The following FAM171B variants were observed in gnomAD, a reference collection of about 807,000 sequenced individuals.
FAM171B encodes the protein protein FAM171B.
A neutral mutation model predicts 75.6 loss-of-function variants in FAM171B; 19 were observed. That is an observed-to-expected ratio of 0.25 (90% CI 0.18 to 0.37). The LOEUF is 0.37. Among genes scored for constraint, FAM171B ranks in the 10% least tolerant of loss-of-function variants. The pLI is 1.00. For synonymous variants in FAM171B, 367 were observed against 361.7 expected (o/e 1.01, Z -0.17); for missense variants, 848 against 982.4 (o/e 0.86, Z 1.83).
intron 3 of FAM171B, among the ~76,000 whole-genome samples, chr2:186,744,318 G>A (rs775292784): frequency 6.6e-6 from 1 of 152,124 alleles, no homozygotes. Context: ...TCCAGTAAGA[G>A]CGTCATGGTA....
chr2:186,713,196 A>G (rs1689832198), intron 1 of FAM171B, among the ~76,000 whole-genome samples: 1 of 152,150 alleles, frequency 6.6e-6, no homozygotes, highest in Non-Finnish European at 1.5e-5. Context: ...GGGAGGCGGG[A>G]CTCAGGGATG....
intron 2 of FAM171B, 37 bp from the exon 3 acceptor site, chr2:186,743,437 TCCCCTCACA>T (rs1574109228): frequency 4.4e-6 from 6 of 1,353,642 alleles, no homozygotes; most frequent in Admixed American, 3.6e-5. Context: ...CTAGTTTTTT[TCCCCTCACA>T]TTAAGTAAAA....
In FAM171B at chr2:186,694,076, G is replaced by A. The variant is rs1689535206; in HGVS notation, c.-98G>A. 1 of 1,369,316 alleles carries A rather than the reference G, an allele frequency of 7.3e-7. No homozygotes were observed. The highest frequency in any genetic ancestry group is 9.4e-7 in the Non-Finnish European group (1 of 1,064,768). 84.8% of individuals were successfully genotyped at this position (1,369,316 alleles called of 1,614,324 possible). ...GAGTGCTTGGCAGATTGCGCGAGGG[G>A]GAGCGAGCGAGCGGGCGCTGCCAGG... On this transcript the variant is annotated 5_prime_UTR_variant, in exon 1 of 8. Transcript: ENST00000304698.
intron 1 of FAM171B, among the ~76,000 whole-genome samples, chr2:186,707,856 G>A (rs1426720484): frequency 6.9e-6 from 1 of 145,608 alleles, no homozygotes; most frequent in Non-Finnish European, 1.5e-5. Context: ...AAAAAAAAAG[G>A]TTTTTCATTG....
chr2:186,731,722 G>A (rs532553713), intron 1 of FAM171B, among the ~76,000 whole-genome samples: 12 of 152,272 alleles, frequency 7.9e-5, no homozygotes, highest in African/African-American at 1.7e-4. Context: ...GAATGTGAGC[G>A]GCGGGTGAGT....
chr2:186,762,432 G>A lies in FAM171B; in HGVS notation c.2090G>A (p.Arg697Lys). Residue 697 changes from arginine (R) to lysine (K), a missense_variant, in exon 8 of 8, where the codon AGA becomes AAA. By Grantham distance (26) the Arg-to-Lys change is conservative. Around this residue, in one of 3 missense-constraint regions of FAM171B, gnomAD observed 136 missense variants for 159.3 expected, o/e 0.85. Coordinates refer to ENST00000304698, the MANE Select transcript of FAM171B (RefSeq NM_177454.4). This position sits in a 1 kb window ranked among gnomAD's most constrained non-coding sequence, Gnocchi z 4.0. ...HSFIDLKKGKRTQSNDTSLDS... is the reference protein window; with the variant it reads ...HSFIDLKKGKKTQSNDTSLDS... The stretch of plus-strand genomic sequence containing the variant: ...TTTATAGACCTGAAAAAGGGCAAGA[G>A]AACCCAGAGCAATGACACCAGTCTG... 1.9e-6 allele frequency: 3 copies of A among 1,613,598 alleles called. No homozygotes were observed. The highest frequency in any genetic ancestry group is 2.5e-6 in the Non-Finnish European group (3 of 1,179,764).
intron 7 of FAM171B, 115 bp from the exon 8 acceptor site, chr2:186,761,364 C>G (rs1431636520): frequency 2.1e-6 from 3 of 1,435,596 alleles, no homozygotes; most frequent in South Asian, 1.4e-5. Flanking sequence ...TATTTTTAAT[C>G]TACATATCTC....
At chr2:186,739,101 C>T (rs1177892451) in intron 1 of FAM171B, among the ~76,000 whole-genome samples, 3 of 152,186 alleles carry the variant, frequency 2.0e-5, no homozygotes, top group Admixed American at 6.5e-5. Flanking sequence ...CTTATCTAAG[C>T]GTACAAAAGG....
At chr2:186,755,587 A>G (rs1690521347) in intron 6 of FAM171B, among the ~76,000 whole-genome samples, 1 of 152,184 alleles carries the variant, frequency 6.6e-6, no homozygotes, top group South Asian at 2.1e-4. Context: ...TATCTGCAGC[A>G]TTTTGTCATC....
chr2:186,701,277 T>C (rs1689656681), intron 1 of FAM171B, among the ~76,000 whole-genome samples: 1 of 152,202 alleles, frequency 6.6e-6, no homozygotes, highest in Non-Finnish European at 1.5e-5. Flanking sequence ...TTTAATAGGC[T>C]TATACATAGT....
chr2:186,719,301 T>C (rs1179060504), intron 1 of FAM171B, among the ~76,000 whole-genome samples: 2 of 152,220 alleles, frequency 1.3e-5, no homozygotes, highest in Non-Finnish European at 2.9e-5. Context: ...ATTTTTTTCT[T>C]CATTGATCTA....
chr2:186,694,190 G>T lies in FAM171B; in HGVS notation c.17G>T (p.Arg6Leu), dbSNP rs758784302. MARLC[R>L]RVPCTLLLGL... ...CTCTAGGCCATGGCGAGGCTCTGCC[G>T]GCGTGTCCCCTGCACCCTGCTTCTC... The change falls in exon 1 of 8, where the codon CGG (arginine) becomes CTG (leucine). Residue 6 changes from arginine to leucine, a missense_variant. By Grantham distance (102) the Arg-to-Leu change is moderately radical. Transcript: ENST00000304698. The T allele has an allele frequency of 3.1e-6, 5 of 1,602,072 alleles. No homozygotes were observed. In the South Asian group the frequency reaches 3.3e-5, roughly 11 times the overall value.
chr2:186,747,652 G>A (rs1690385817), intron 4 of FAM171B, among the ~76,000 whole-genome samples: 1 of 151,926 alleles, frequency 6.6e-6, no homozygotes, highest in Non-Finnish European at 1.5e-5. Context: ...CTGATGAGAA[G>A]TGTCAATAAT....
chr2:186,734,864 G>T (rs1690175154), intron 1 of FAM171B, among the ~76,000 whole-genome samples: 1 of 152,210 alleles, frequency 6.6e-6, no homozygotes, highest in Admixed American at 6.5e-5. Flanking sequence ...CCAAGTGTGT[G>T]CACATCCAGC....
intron 2 of FAM171B, among the ~76,000 whole-genome samples, chr2:186,741,453 A>G (rs527978018): frequency 6.6e-5 from 10 of 152,140 alleles, no homozygotes; most frequent in Non-Finnish European, 8.8e-5. Flanking sequence ...AAAGTCCTTA[A>G]TATGTAAAGA....
Position 186,762,389 on chromosome 2 carries a change from G to C in FAM171B, c.2047G>C (p.Ala683Pro). 1 of 1,613,652 alleles carries C rather than the reference G, an allele frequency of 6.2e-7. No individual in the cohort carries two copies. Among genetic ancestry groups the C allele is most frequent in the Non-Finnish European group, 8.5e-7 (1 of 1,179,768 alleles). ...TGTGTCTCTTGATGGAAAGCCAGTT[G>C]CACAAGTGAGGCACTCCTTTATAGA... The part of the protein sequence containing the change: ...WFVSLDGKPV[A>P]QVRHSFIDLK... The change falls in exon 8 of 8, where the codon GCA becomes CCA. Residue 683 changes from alanine to proline, a missense_variant. Physicochemically the swap from Ala to Pro is conservative, Grantham distance 27. Coordinates refer to ENST00000304698, the MANE Select transcript of FAM171B (RefSeq NM_177454.4). This position sits in a 1 kb window ranked among gnomAD's most constrained non-coding sequence, Gnocchi z 4.0.
chr2:186,751,903 A>G (rs1690460920), intron 5 of FAM171B, among the ~76,000 whole-genome samples: 1 of 152,174 alleles, frequency 6.6e-6, no homozygotes. Flanking sequence ...TGATCAGCCC[A>G]CAACTGAAAA....
At chr2:186,749,943 T>G (rs76319974) in intron 4 of FAM171B, among the ~76,000 whole-genome samples, 1,689 of 151,884 alleles carry the variant, frequency 0.011, 16 homozygotes, top group Non-Finnish European at 0.018. Flanking sequence ...GAGGAGTAAA[T>G]ACATGGGGGC....
chr2:186,730,372 ATGTG>A (rs954463707), intron 1 of FAM171B, among the ~76,000 whole-genome samples: 1 of 152,246 alleles, frequency 6.6e-6, no homozygotes, highest in Admixed American at 6.5e-5. Flanking sequence ...TGGGCTGTAT[ATGTG>A]TGTGTGTCAC....
Sources: gnomAD v4.1 joint callset for allele counts (sites outside exome capture counted in the v4.1 genomes callset) on GRCh38, gnomAD v4.1.1 for gene constraint, gnomAD v4.1.1 regional missense constraint, Gnocchi (gnomAD v3.1) non-coding constraint, MANE v1.5 for transcripts, NCBI Gene and HGNC (gene_info 2026-07-23, HGNC 2026-07-21) for gene names.